The following ZNF143 variants were observed in gnomAD, a reference collection of about 807,000 sequenced individuals.
ZNF143 encodes the protein SPH-binding factor.
In ZNF143, 49 loss-of-function variants were observed where a neutral mutation model predicts 74.1. The ratio of observed to expected loss-of-function variants is 0.66; its 90% CI spans 0.53 to 0.84. The LOEUF (loss-of-function observed/expected upper bound fraction) is 0.84. Ranked by LOEUF, ZNF143 falls within the 40% of genes least tolerant of loss-of-function variation. ZNF143 has a pLI of 0.00. For synonymous variants in ZNF143, 304 were observed against 282.8 expected (o/e 1.07, Z -0.75); for missense variants, 637 against 793.4 (o/e 0.80, Z 2.37).
At chr11:9,470,559 A>G (rs1009365747) in intron 1 of ZNF143, among the ~76,000 whole-genome samples, 1 of 152,186 alleles carries the variant, frequency 6.6e-6, no homozygotes, top group Non-Finnish European at 1.5e-5. Context: ...GGAAACTCAA[A>G]TGAACACGTT....
chr11:9,486,369 AT>A (rs1462306404), intron 7 of ZNF143, among the ~76,000 whole-genome samples: 9 of 42,242 alleles, frequency 2.1e-4, no homozygotes, highest in Non-Finnish European at 3.9e-4. Context: ...TATATTATAT[AT>A]AATATATTAT....
At chr11:9,484,832 C>G (rs1847402240) in intron 7 of ZNF143, among the ~76,000 whole-genome samples, 1 of 59,660 alleles carries the variant, frequency 1.7e-5, no homozygotes, top group Admixed American at 2.1e-4. Context: ...GAGTCTAGCT[C>G]TGTCGCCCAG....
chr11:9,516,959 A>G (rs1449615188), intron 14 of ZNF143, among the ~76,000 whole-genome samples: 2 of 152,218 alleles, frequency 1.3e-5, no homozygotes, highest in African/African-American at 2.4e-5. Flanking sequence ...TTTTTGAGAC[A>G]GGCTGGAGTG....
intron 7 of ZNF143, 92 bp from the exon 8 acceptor site, chr11:9,494,554 G>T: frequency 1.5e-6 from 2 of 1,312,338 alleles, no homozygotes; most frequent in Non-Finnish European, 1.1e-6. Flanking sequence ...CAAATGATCC[G>T]CCTACCTCTG....
chr11:9,512,638 G>C, intron 13 of ZNF143, 42 bp downstream of exon 13: 1 of 1,606,932 alleles, frequency 6.2e-7, no homozygotes, highest in Non-Finnish European at 8.5e-7. Context: ...ATCTTTCTGT[G>C]AACCTGGGCT....
chr11:9,512,407 T>G, intron 12 of ZNF143, 41 bp from the exon 13 acceptor site: 14 of 1,589,330 alleles, frequency 8.8e-6, no homozygotes, highest in Non-Finnish European at 1.2e-5. Context: ...CTAAACAAAT[T>G]GGTTGGTTGG....
chr11:9,486,724 A>G (rs1229441699), intron 7 of ZNF143, among the ~76,000 whole-genome samples: 1 of 149,620 alleles, frequency 6.7e-6, no homozygotes, highest in African/African-American at 2.5e-5. Flanking sequence ...GCTGGAGTGC[A>G]GTGGTGTAAT....
chr11:9,463,626 G>A (rs1022509622), intron 1 of ZNF143: 2 of 152,060 alleles, frequency 1.3e-5, no homozygotes, highest in South Asian at 2.1e-4. Flanking sequence ...TGGATTATTC[G>A]TCTTATTATG....
intron 1 of ZNF143, among the ~76,000 whole-genome samples, chr11:9,467,645 A>C: frequency 6.6e-6 from 1 of 151,960 alleles, no homozygotes; most frequent in East Asian, 1.9e-4. Flanking sequence ...CAGGAGTTCA[A>C]GACCCGCCTG....
chr11:9,472,574 A>T, intron 2 of ZNF143, 103 bp from the exon 3 acceptor site: 3 of 986,820 alleles, frequency 3.0e-6, no homozygotes, highest in Non-Finnish European at 3.1e-6. Context: ...TTTGAGTCTG[A>T]GTTAAGCAGT....
chr11:9,464,122 G>T (rs1016288322), intron 1 of ZNF143, among the ~76,000 whole-genome samples: 1 of 149,972 alleles, frequency 6.7e-6, no homozygotes, highest in Non-Finnish European at 1.5e-5. Context: ...GTGTATTTGT[G>T]TATAGATATT....
rs973921610 is a variant in ZNF143, at chr11:9,471,902, T to C, written c.112+482T>C. ...TGGGTACAGGAGGGCAGGGAATTTTTTTTTTCTTTTTCTTTTTCTTTTCTT... is the reference window on the plus strand; with the variant it reads ...TGGGTACAGGAGGGCAGGGAATTTTCTTTTTCTTTTTCTTTTTCTTTTCTT... On this transcript the variant is annotated intron_variant, in intron 2 of 15. Coordinates refer to ENST00000396602, the MANE Select transcript of ZNF143 (RefSeq NM_003442.6). 2.7e-5 allele frequency among the ~76,000 whole-genome samples: 4 copies of C among 149,730 alleles called. No homozygotes were observed. In the South Asian group the frequency reaches 6.3e-4, roughly 24 times the overall value.
intron 11 of ZNF143, among the ~76,000 whole-genome samples, chr11:9,507,205 T>G (rs1848396188): frequency 6.6e-6 from 1 of 152,172 alleles, no homozygotes; most frequent in Non-Finnish European, 1.5e-5. Flanking sequence ...AAAGGTGCAG[T>G]TACCCAAGGA....
chr11:9,468,340 C>T (rs377273832), intron 1 of ZNF143, among the ~76,000 whole-genome samples: 2 of 152,222 alleles, frequency 1.3e-5, no homozygotes. Flanking sequence ...TGTCTCTGCT[C>T]TCAGCTCTTT....
intron 13 of ZNF143, among the ~76,000 whole-genome samples, chr11:9,514,673 T>G (rs1253786094): frequency 6.6e-6 from 1 of 151,952 alleles, no homozygotes; most frequent in African/African-American, 2.4e-5. Context: ...CACCAGAGAG[T>G]GAAGGGAAGA....
At chr11:9,472,898 T>A (rs1165487298) in intron 3 of ZNF143, 129 bp downstream of exon 3, 6 of 483,352 alleles carry the variant, frequency 1.2e-5, no homozygotes, top group African/African-American at 1.2e-4. Flanking sequence ...TGATTTTAAG[T>A]CATTTCAGTT....
chr11:9,464,073 CGTGTGTGTGTGTTTGTGTGTGTGTGT>C (rs1238187326), intron 1 of ZNF143, among the ~76,000 whole-genome samples: 1 of 132,832 alleles, frequency 7.5e-6, no homozygotes, highest in Non-Finnish European at 1.7e-5. Flanking sequence ...TTAGGGATGT[CGTGTGTGTGTGTTTGTGTGTGTGTGT>C]GTGTGTGTGT....
rs1245802133 is a variant in ZNF143, at chr11:9,486,396, A to ATAATATATATAAT, written c.645+6850_645+6851insTAATATATATAAT. Among the ~76,000 whole-genome samples the ATAATATATATAAT allele has an allele frequency of 7.8e-3, 93 of 11,910 alleles. 5 individuals carry two copies. Among genetic ancestry groups the ATAATATATATAAT allele is most frequent in the African/African-American group, 0.019 (87 of 4,594 alleles). 7.8% of individuals were successfully genotyped at this position (11,910 alleles called of 152,430 possible). On this transcript the variant is annotated intron_variant, in intron 7 of 15. Transcript: ENST00000396602. Reference sequence around the variant, plus strand: ...AATATATTATATATATAATATATATAATATATTATATATATAATATATATT... The same window carrying ATAATATATATAAT: ...AATATATTATATATATAATATATATATAATATATATAATATATATTATATATATAATATATATT...
intron 7 of ZNF143, among the ~76,000 whole-genome samples, chr11:9,491,479 A>C (rs1276270233): frequency 6.6e-6 from 1 of 151,974 alleles, no homozygotes; most frequent in East Asian, 1.9e-4. Flanking sequence ...TACTAAAAAC[A>C]CACAAAAAAA....
Sources: gnomAD v4.1 joint callset for allele counts (sites outside exome capture counted in the v4.1 genomes callset) on GRCh38, gnomAD v4.1.1 for gene constraint, MANE v1.5 for transcripts, NCBI Gene and HGNC (gene_info 2026-07-23, HGNC 2026-07-21) for gene names.